The following COL9A1 variants were observed in gnomAD, a reference collection of about 807,000 sequenced individuals.
COL9A1 encodes the protein collagen alpha-1(IX) chain.
COL9A1 carries 104 observed loss-of-function variants against 142.6 expected under a neutral mutation model. The observed-to-expected ratio is 0.73, with a 90% CI of 0.62 to 0.86. The LOEUF is 0.86. COL9A1 is among the 40% of genes least tolerant of loss of function. The pLI, the probability that COL9A1 is intolerant of heterozygous loss-of-function variation, is 0.00. For missense variants in COL9A1, 1,210 were observed against 1,176.6 expected, an observed-to-expected ratio of 1.03 and a Z score of -0.42; for synonymous variants, 466 against 396.0, an observed-to-expected ratio of 1.18 and a Z score of -2.10.
At chr6:70,227,473 C>T (rs561892582) in intron 36 of COL9A1, among the ~76,000 whole-genome samples, 77 of 121,606 alleles carry the variant, frequency 6.3e-4, no homozygotes, top group African/African-American at 1.9e-3. Flanking sequence ...CCTATAAGAT[C>T]GGCAAAAATT....
At chr6:70,279,666 A>AAAAAAAAAAAAAAAAAAAAAAAC (rs1562322878) in intron 10 of COL9A1, 2 of 170,740 alleles carry the variant, frequency 1.2e-5, no homozygotes, top group African/African-American at 5.2e-5. Flanking sequence ...AAAAAAAAAA[A>AAAAAAAAAAAAAAAAAAAAAAAC]AAAACACATA....
rs761742449 is a variant in COL9A1, at chr6:70,225,952, G to A, written c.2561C>T (p.Pro854Leu). The A allele has an allele frequency of 1.9e-6, 3 of 1,613,920 alleles. No individual in the cohort carries two copies. The South Asian group carries it at 3.3e-5, about 18-fold the overall frequency. Residue 854 changes from proline to leucine, a missense_variant, in exon 37 of 38, where the codon CCT becomes CTT. Coordinates refer to ENST00000357250, the MANE Select transcript of COL9A1 (RefSeq NM_001851.6). Reference protein sequence around the residue: ...GPPGRGPNGLPGAIGLPGDPG... With the variant: ...GPPGRGPNGLLGAIGLPGDPG... The stretch of plus-strand genomic sequence containing the variant: ...CTTACCTGGGAGACCTATAGCTCCA[G>A]GCAAACCGTTGGGACCTCTTCCTGG...
At chr6:70,246,711 G>T (rs1050506061) in intron 28 of COL9A1, among the ~76,000 whole-genome samples, 3 of 152,118 alleles carry the variant, frequency 2.0e-5, no homozygotes, top group African/African-American at 2.4e-5. Flanking sequence ...TGCTAGATAC[G>T]TCTTGTAACA....
chr6:70,256,928 G>T, intron 20 of COL9A1, 107 bp from the exon 21 acceptor site: 1 of 1,016,222 alleles, frequency 9.8e-7, no homozygotes, highest in Non-Finnish European at 1.5e-6. Context: ...AGGAGGTTTT[G>T]TGCCTGTAAT....
chr6:70,294,304 C>G lies in COL9A1; in HGVS notation c.559G>C (p.Val187Leu), dbSNP rs773143381. 3.1e-6 allele frequency: 5 copies of G among 1,613,950 alleles called. No individual in the cohort carries two copies. The highest frequency in any genetic ancestry group is 4.2e-6 in the Non-Finnish European group (5 of 1,179,968). Residue 187 changes from valine (V) to leucine (L), a missense_variant, in exon 5 of 38, where the codon GTG (valine) becomes CTG (leucine). Val to Leu is a conservative substitution (Grantham distance 32). Transcript: ENST00000357250. ...AAAAGAGTAGCACTACTCCTCTCCA[C>G]GCCAATCATGATCTTATGCCACTGG... ...DSQWHKIMIG[V>L]ERSSATLFVD... is the part of the protein sequence containing the mutation.
intron 26 of COL9A1, among the ~76,000 whole-genome samples, chr6:70,253,002 G>C (rs1312487037): frequency 6.6e-6 from 1 of 150,380 alleles, no homozygotes; most frequent in East Asian, 1.9e-4. Flanking sequence ...ATAAGCACTG[G>C]TCGATCAGTA....
At chr6:70,302,486 G>A (rs1270381054) in intron 1 of COL9A1, among the ~76,000 whole-genome samples, 1 of 152,062 alleles carries the variant, frequency 6.6e-6, no homozygotes, top group East Asian at 1.9e-4. Context: ...GGGATTACAA[G>A]CATAAGCCAC....
intron 8 of COL9A1, 106 bp downstream of exon 8, chr6:70,281,284 G>T: frequency 1.9e-6 from 2 of 1,080,022 alleles, no homozygotes; most frequent in Non-Finnish European, 2.7e-6. Context: ...AGGAAGGGGA[G>T]ACCCTGGTCC....
At chr6:70,249,377 T>C (rs765600403) in intron 28 of COL9A1, among the ~76,000 whole-genome samples, 29 of 152,140 alleles carry the variant, frequency 1.9e-4, no homozygotes, top group Non-Finnish European at 4.1e-4. Context: ...CACCCTGCCA[T>C]GTGCAAGAGT....
rs186821588 is a variant in COL9A1 at position 70,234,826 on chromosome 6, C to T, written c.2227G>A (p.Ala743Thr). Reference sequence around the variant, plus strand: ...CCCTGGACACCAGGCAGGCCGGTGGCACCCTGTTCTCCCTGCACACCCCGG... The same window carrying T: ...CCCTGGACACCAGGCAGGCCGGTGGTACCCTGTTCTCCCTGCACACCCCGG... ...GPRGVQGEQG[A>T]TGLPGVQGPP... The change falls in exon 34 of 38, where the codon GCC becomes ACC. Residue 743 changes from alanine (A) to threonine (T), a missense_variant. Transcript: ENST00000357250. 1 of 1,614,068 alleles carries T rather than the reference C, an allele frequency of 6.2e-7. No homozygotes were observed. The highest frequency in any genetic ancestry group is 2.2e-5 in the East Asian group (1 of 44,856).
At chr6:70,279,209 A>C (rs617600) in intron 10 of COL9A1, among the ~76,000 whole-genome samples, 13,839 of 152,228 alleles carry the variant, frequency 0.091, 1,493 homozygotes, top group African/African-American at 0.25. Context: ...AGTAGCCTTG[A>C]ATTTGTCAGA....
At chr6:70,291,811 A>G (rs561799781) in intron 5 of COL9A1, among the ~76,000 whole-genome samples, 4 of 152,294 alleles carry the variant, frequency 2.6e-5, no homozygotes, top group African/African-American at 9.6e-5. Flanking sequence ...CCCAAAGGAA[A>G]GCTAGTTGGC....
intron 5 of COL9A1, among the ~76,000 whole-genome samples, chr6:70,285,251 G>C (rs954953467): frequency 1.3e-5 from 2 of 152,212 alleles, no homozygotes; most frequent in African/African-American, 4.8e-5. Context: ...AGGCTGGGTT[G>C]TTCAGAGTGC....
At position 70,294,442 on chromosome 6, in the gene COL9A1, G is replaced by T. The variant is rs144734463; in HGVS notation, c.421C>A (p.Gln141Lys). 5.0e-6 allele frequency: 8 copies of T among 1,614,068 alleles called. 1 individual carries two copies. The highest frequency in any genetic ancestry group is 5.9e-6 in the Non-Finnish European group (7 of 1,179,970). The change falls in exon 5 of 38, where the codon CAA becomes AAA. Residue 141 changes from glutamine to lysine, a missense_variant. By Grantham distance (53) the Gln-to-Lys change is moderately conservative. Transcript: ENST00000357250. ...TGGCCATTAATCTTTATGCCAACTT[G>T]CTCCTTCCCAGAGGAATCCTGAATC... ...WQIQDSSGKE[Q>K]VGIKINGQTQ... is the part of the protein sequence containing the mutation.
intron 10 of COL9A1, chr6:70,279,978 C>G (rs534820207): frequency 5.9e-5 from 41 of 692,044 alleles, no homozygotes; most frequent in Non-Finnish European, 5.4e-5. Flanking sequence ...TTTCTTACTT[C>G]ACTTCATATT....
At chr6:70,219,426 G>A (rs1212098427) in intron 37 of COL9A1, among the ~76,000 whole-genome samples, 3 of 152,154 alleles carry the variant, frequency 2.0e-5, no homozygotes, top group African/African-American at 7.2e-5. Context: ...TGGCTGCTTT[G>A]GCGTACCAGG....
chr6:70,252,578 C>T (rs1049121610), intron 26 of COL9A1, among the ~76,000 whole-genome samples: 3 of 152,124 alleles, frequency 2.0e-5, no homozygotes, highest in Non-Finnish European at 2.9e-5. Context: ...TAAGGGGATC[C>T]TCTTCAATTA....
chr6:70,294,895 A>T (rs1299608339), intron 4 of COL9A1, among the ~76,000 whole-genome samples: 3 of 152,344 alleles, frequency 2.0e-5, no homozygotes, highest in African/African-American at 7.2e-5. Context: ...TCAGCCAAAA[A>T]ATACATTCTT....
intron 36 of COL9A1, among the ~76,000 whole-genome samples, chr6:70,228,001 G>A (rs1769340176): frequency 6.6e-6 from 1 of 152,078 alleles, no homozygotes; most frequent in Non-Finnish European, 1.5e-5. Flanking sequence ...TTACCTAGTG[G>A]GAAGGAGAAA....
Sources: gnomAD v4.1 joint callset for allele counts (sites outside exome capture counted in the v4.1 genomes callset) on GRCh38, gnomAD v4.1.1 for gene constraint, MANE v1.5 for transcripts, NCBI Gene and HGNC (gene_info 2026-07-23, HGNC 2026-07-21) for gene names.